RAB38: variants seen among roughly 807,000 people sequenced by gnomAD.
The protein encoded by RAB38 is ras-related protein Rab-38.
A neutral mutation model predicts 18.4 loss-of-function variants in RAB38; 15 were observed. The observed-to-expected ratio is 0.82, with a 90% CI of 0.55 to 1.26. The LOEUF is 1.26. Ranked by LOEUF, RAB38 falls within the 50% of genes most tolerant of loss-of-function variation. The pLI, the probability that RAB38 is intolerant of heterozygous loss-of-function variation, is 0.00. For missense variants in RAB38, 294 were observed against 267.4 expected, an observed-to-expected ratio of 1.10 and a Z score of -0.69; for synonymous variants, 101 against 104.4, an observed-to-expected ratio of 0.97 and a Z score of 0.20.
chr11:87,914,067 G>C, the RAB38 span, among the ~76,000 whole-genome samples: 4 of 152,090 alleles, frequency 2.6e-5, no homozygotes, highest in Non-Finnish European at 4.4e-5. Context: ...AAGTGTGGAA[G>C]TGGATTTCAA....
At chr11:87,807,037 G>A in the RAB38 span, among the ~76,000 whole-genome samples, 1 of 152,164 alleles carries the variant, frequency 6.6e-6, no homozygotes, top group Non-Finnish European at 1.5e-5. Flanking sequence ...TGTCAGATCA[G>A]TGGGGTATTA....
the RAB38 span, among the ~76,000 whole-genome samples, chr11:87,820,804 T>G: frequency 6.6e-6 from 1 of 152,168 alleles, no homozygotes; most frequent in Non-Finnish European, 1.5e-5. Context: ...TTTAAAAACA[T>G]GTATAGTGAA....
At chr11:88,072,825 G>A in the RAB38 span, among the ~76,000 whole-genome samples, 4 of 152,056 alleles carry the variant, frequency 2.6e-5, no homozygotes, top group African/African-American at 9.7e-5. Context: ...AAGACTTCTG[G>A]TTCCAAAATG....
the RAB38 span, among the ~76,000 whole-genome samples, chr11:87,841,445 T>C: frequency 6.6e-6 from 1 of 152,202 alleles, no homozygotes; most frequent in Non-Finnish European, 1.5e-5. Context: ...CAGCTATCTT[T>C]ACTATTGTGC....
At chr11:88,031,349 A>T in the RAB38 span, among the ~76,000 whole-genome samples, 8 of 147,842 alleles carry the variant, frequency 5.4e-5, no homozygotes, top group East Asian at 1.4e-3. Flanking sequence ...CACCACTCCT[A>T]TTCAACATAG....
chr11:88,101,434 A>C, the RAB38 span, among the ~76,000 whole-genome samples: 1 of 151,934 alleles, frequency 6.6e-6, no homozygotes, highest in African/African-American at 2.4e-5. Flanking sequence ...GTATATATTA[A>C]TATAATATGA....
chr11:87,858,218 T>C, the RAB38 span, among the ~76,000 whole-genome samples: 1 of 152,240 alleles, frequency 6.6e-6, no homozygotes, highest in Non-Finnish European at 1.5e-5. Context: ...GTTCCATTGG[T>C]CTATATCTCT....
chr11:87,808,172 G>A, the RAB38 span, among the ~76,000 whole-genome samples: 2 of 152,086 alleles, frequency 1.3e-5, no homozygotes, highest in Non-Finnish European at 2.9e-5. Flanking sequence ...AGTAAATATA[G>A]AACTACCATA....
At chr11:87,810,729 A>T in the RAB38 span, among the ~76,000 whole-genome samples, 1 of 152,270 alleles carries the variant, frequency 6.6e-6, no homozygotes, top group South Asian at 2.1e-4. Context: ...TCTACTCATA[A>T]ATCTTTCTTT....
At chr11:88,051,112 T>C in the RAB38 span, among the ~76,000 whole-genome samples, 8 of 152,160 alleles carry the variant, frequency 5.3e-5, no homozygotes, top group Admixed American at 2.6e-4. Context: ...TACTTATCTA[T>C]TGAATGTTTT....
chr11:87,846,286 A>C, the RAB38 span, among the ~76,000 whole-genome samples: 1 of 152,098 alleles, frequency 6.6e-6, no homozygotes, highest in Non-Finnish European at 1.5e-5. Flanking sequence ...CGTTACTCCA[A>C]TTTACAGACA....
chr11:87,896,906 T>C, the RAB38 span, among the ~76,000 whole-genome samples: 8 of 151,634 alleles, frequency 5.3e-5, no homozygotes, highest in African/African-American at 1.9e-4. Context: ...CAGATTAGTT[T>C]TATCCTATTC....
chr11:87,862,635 C>T, the RAB38 span, among the ~76,000 whole-genome samples: 1 of 151,836 alleles, frequency 6.6e-6, no homozygotes, highest in Non-Finnish European at 1.5e-5. Flanking sequence ...TGTAACAAAC[C>T]TGCACTTGTA....
At chr11:87,915,463 T>G in the RAB38 span, among the ~76,000 whole-genome samples, 18 of 152,228 alleles carry the variant, frequency 1.2e-4, no homozygotes, top group African/African-American at 3.6e-4. Context: ...TCATGTAAAT[T>G]GTAATCCATT....
chr11:87,976,469 C>A, the RAB38 span, among the ~76,000 whole-genome samples: 1 of 127,346 alleles, frequency 7.9e-6, no homozygotes, highest in African/African-American at 2.9e-5. Context: ...ATATATTTTA[C>A]ATATAGTTAT....
the RAB38 span, among the ~76,000 whole-genome samples, chr11:87,945,708 A>G: frequency 6.6e-6 from 1 of 152,204 alleles, no homozygotes; most frequent in African/African-American, 2.4e-5. Flanking sequence ...TTTCAGATGA[A>G]ATAATGGTGG....
the RAB38 span, among the ~76,000 whole-genome samples, chr11:88,096,417 C>A: frequency 1.3e-5 from 2 of 151,846 alleles, no homozygotes; most frequent in African/African-American, 2.4e-5. Context: ...GGCTATCCTG[C>A]ATAAAATAGC....
chr11:88,108,212 T>C, the RAB38 span, among the ~76,000 whole-genome samples: 1 of 151,984 alleles, frequency 6.6e-6, no homozygotes, highest in African/African-American at 2.4e-5. Flanking sequence ...CTAATATTGA[T>C]AGTGGGTGTT....
the RAB38 span, among the ~76,000 whole-genome samples, chr11:87,852,575 C>T: frequency 3.3e-5 from 5 of 152,050 alleles, no homozygotes; most frequent in East Asian, 5.8e-4. Flanking sequence ...TGGCACACCA[C>T]GGTTCAAATG....
Sources: allele counts gnomAD v4.1 joint callset (sites outside exome capture counted in the v4.1 genomes callset), GRCh38; gene constraint gnomAD v4.1.1; transcripts MANE v1.5; gene names NCBI Gene and HGNC (gene_info 2026-07-23, HGNC 2026-07-21).